LRRFIP1: variants seen among roughly 807,000 people sequenced by gnomAD.
LRRFIP1 encodes the protein LRR binding FLII interacting protein 1.
LRRFIP1 carries 62 observed loss-of-function variants against 104.4 expected under a neutral mutation model. The ratio of observed to expected loss-of-function variants is 0.59; its 90% CI spans 0.48 to 0.73. LRRFIP1 has a LOEUF of 0.73. Ranked by LOEUF, LRRFIP1 falls within the 30% of genes least tolerant of loss-of-function variation. The pLI is 0.00. For synonymous variants in LRRFIP1, 300 were observed against 299.0 expected, an observed-to-expected ratio of 1.00 and a Z score of -0.03; for missense variants, 796 against 824.5, an observed-to-expected ratio of 0.97 and a Z score of 0.42.
chr2:237,756,890 C>A (rs1009712508), intron 16 of LRRFIP1, among the ~76,000 whole-genome samples: 1 of 152,152 alleles, frequency 6.6e-6, no homozygotes, highest in African/African-American at 2.4e-5. Context: ...TTTGATGGAA[C>A]AAGCATCCTT....
intron 1 of LRRFIP1, among the ~76,000 whole-genome samples, chr2:237,700,541 A>G (rs757371622): frequency 6.6e-6 from 1 of 152,206 alleles, no homozygotes; most frequent in Non-Finnish European, 1.5e-5. Context: ...GGAGGCGAAA[A>G]TGAATGTGTG....
chr2:237,694,719 T>C (rs776667244), intron 1 of LRRFIP1, among the ~76,000 whole-genome samples: 4 of 152,164 alleles, frequency 2.6e-5, no homozygotes, highest in Non-Finnish European at 5.9e-5. Context: ...AAAAGCAGGA[T>C]CTGAGTGGGA....
At chr2:237,692,150 GGGGGC>G in intron 1 of LRRFIP1, 48 of 997,800 alleles carry the variant, frequency 4.8e-5, no homozygotes, top group Non-Finnish European at 5.7e-5. Flanking sequence ...GAACTGCGTG[GGGGGC>G]GGGGCGGGCC....
chr2:237,730,985 A>G (rs2094978877), intron 8 of LRRFIP1, among the ~76,000 whole-genome samples: 1 of 152,184 alleles, frequency 6.6e-6, no homozygotes, highest in Admixed American at 6.5e-5. Context: ...AACCAGGTAG[A>G]GCCTAGAGGG....
intron 1 of LRRFIP1, among the ~76,000 whole-genome samples, chr2:237,694,193 C>G (rs1351030299): frequency 6.6e-6 from 1 of 152,130 alleles, no homozygotes; most frequent in Non-Finnish European, 1.5e-5. Flanking sequence ...TTGTTGATGT[C>G]TTTGATTAAG....
intron 1 of LRRFIP1, among the ~76,000 whole-genome samples, chr2:237,634,779 A>C (rs1187286189): frequency 6.6e-6 from 1 of 152,190 alleles, no homozygotes; most frequent in Non-Finnish European, 1.5e-5. Context: ...TTCATTGCTC[A>C]TCTGCCTACA....
chr2:237,657,205 A>G (rs2149435767), intron 1 of LRRFIP1, among the ~76,000 whole-genome samples: 1 of 152,358 alleles, frequency 6.6e-6, no homozygotes, highest in Middle Eastern at 3.4e-3. Flanking sequence ...CGAAGACAGA[A>G]ATGGGAAACA....
At chr2:237,676,795 G>T (rs2149596290) in intron 1 of LRRFIP1, among the ~76,000 whole-genome samples, 1 of 152,302 alleles carries the variant, frequency 6.6e-6, no homozygotes, top group South Asian at 2.1e-4. Flanking sequence ...GAGCCACAGT[G>T]CCCGGCCCAG....
At position 237,735,519 on chromosome 2, in the gene LRRFIP1, G is replaced by A. The variant is rs1386350641; in HGVS notation, c.555+186G>A. 7.0e-6 allele frequency: 4 copies of A among 573,726 alleles called. No homozygotes were observed. The highest frequency in any genetic ancestry group is 1.2e-5 in the Non-Finnish European group (4 of 329,630). The allele number at this position is 573,726 out of a possible 1,614,324, so 35.5% of individuals were successfully genotyped here. On this transcript the variant is annotated intron_variant, in intron 10 of 23. Transcript: ENST00000308482. This position sits in a 1 kb window ranked among gnomAD's most constrained non-coding sequence, Gnocchi z 4.6. The stretch of plus-strand genomic sequence containing the variant: ...AATAATGTGAATCAGGAAACCTCTG[G>A]TTGTTGGTTTCATGTCCTCACTCAT...
chr2:237,715,570 C>T (rs1312866292), intron 3 of LRRFIP1, among the ~76,000 whole-genome samples: 4 of 152,322 alleles, frequency 2.6e-5, no homozygotes, highest in Non-Finnish European at 5.9e-5. Context: ...GAAGGAGCCC[C>T]GGAAACCTGC....
chr2:237,743,593 G>T (rs56008005), intron 11 of LRRFIP1, among the ~76,000 whole-genome samples: 4,771 of 152,246 alleles, frequency 0.031, 146 homozygotes, highest in Admixed American at 0.078. Context: ...CCTTGAGGAA[G>T]TTATTTCACT....
chr2:237,682,543 T>G (rs950043161), intron 1 of LRRFIP1, among the ~76,000 whole-genome samples: 1 of 152,250 alleles, frequency 6.6e-6, no homozygotes, highest in African/African-American at 2.4e-5. Context: ...ATCGGCTTAC[T>G]CTTGGATTGG....
At chr2:237,771,882 G>C in intron 20 of LRRFIP1, 199 bp from the exon 21 acceptor site, 1 of 556,576 alleles carries the variant, frequency 1.8e-6, no homozygotes, top group South Asian at 2.2e-5. Context: ...CTTTAGAAAT[G>C]ACTTTTCTCT....
intron 7 of LRRFIP1, among the ~76,000 whole-genome samples, chr2:237,724,524 G>T (rs1262056697): frequency 6.6e-6 from 1 of 152,278 alleles, no homozygotes; most frequent in East Asian, 1.9e-4. Flanking sequence ...CGGGAGTCAG[G>T]ACAGGGGAAA....
At chr2:237,702,303 C>T (rs917660112) in intron 1 of LRRFIP1, among the ~76,000 whole-genome samples, 1 of 152,174 alleles carries the variant, frequency 6.6e-6, no homozygotes, top group African/African-American at 2.4e-5. Context: ...TAAATGGAAT[C>T]TTTTTTTCCC....
intron 22 of LRRFIP1, 126 bp downstream of exon 22, chr2:237,773,071 A>T: frequency 4.3e-6 from 3 of 694,376 alleles, no homozygotes; most frequent in Non-Finnish European, 7.5e-6. Flanking sequence ...CCTAAGAGGG[A>T]TAAGTTAAGA....
At chr2:237,636,899 C>T (rs1307068719) in intron 1 of LRRFIP1, among the ~76,000 whole-genome samples, 13 of 152,210 alleles carry the variant, frequency 8.5e-5, no homozygotes, top group Non-Finnish European at 1.6e-4. Flanking sequence ...TAGGAGGAAA[C>T]ATTGCTTAAT....
chr2:237,692,429 C>T (rs1274498272), intron 1 of LRRFIP1: 2 of 1,493,876 alleles, frequency 1.3e-6, no homozygotes, highest in Admixed American at 2.2e-5. Flanking sequence ...CATTTCCCGC[C>T]GGGTGGAGCG....
chr2:237,769,053 T>C (rs1039900991), intron 19 of LRRFIP1: 1 of 152,288 alleles, frequency 6.6e-6, no homozygotes, highest in African/African-American at 2.4e-5. Context: ...GAGCCTCATC[T>C]ATAGAAGGAG....
Sources: gnomAD v4.1 joint callset for allele counts (sites outside exome capture counted in the v4.1 genomes callset) on GRCh38, gnomAD v4.1.1 for gene constraint, Gnocchi (gnomAD v3.1) non-coding constraint, MANE v1.5 for transcripts, NCBI Gene and HGNC (gene_info 2026-07-23, HGNC 2026-07-21) for gene names.